The following PEX5 variants were observed in gnomAD, a reference collection of about 807,000 sequenced individuals.
PEX5 encodes the protein PTS1 receptor.
Under a neutral mutation model 82.9 loss-of-function variants are expected in PEX5, and 52 were observed. That is an observed-to-expected ratio of 0.63 (90% confidence interval 0.50 to 0.79). The LOEUF (loss-of-function observed/expected upper bound fraction) is 0.79, where lower values mean the gene tolerates loss of function less well. Among genes scored for constraint, PEX5 ranks in the 30% least tolerant of loss-of-function variants. The pLI is 0.00. For synonymous variants in PEX5, 300 were observed against 318.8 expected (o/e 0.94, Z 0.63); for missense variants, 719 against 815.2 (o/e 0.88, Z 1.44).
At chr12:7,202,561 G>A in intron 8 of PEX5, 51 bp from the exon 9 acceptor site, 1 of 1,523,092 alleles carries the variant, frequency 6.6e-7, no homozygotes. Context: ...GTGTGCGTCT[G>A]ATGGATAGAA....
In PEX5 at chr12:7,199,106, G is replaced by C; in HGVS notation, c.544G>C (p.Asp182His). The C allele has an allele frequency of 6.3e-7, 1 of 1,576,456 alleles. No homozygotes were observed. Residue 182 changes from aspartate to histidine, a missense_variant, in exon 6 of 16, where the codon GAT becomes CAT. Asp to His is a moderately conservative substitution (Grantham distance 81). Transcript: ENST00000675855. ...GGGAGAACCTGAGGGAACAGCCACCGATCGCTGGTGAGTTCAGATACCTCT... is the reference window on the plus strand; with the variant it reads ...GGGAGAACCTGAGGGAACAGCCACCCATCGCTGGTGAGTTCAGATACCTCT... Reference protein sequence around the residue: ...WLGEPEGTATDRWYDEYHPEE... With the variant: ...WLGEPEGTATHRWYDEYHPEE...
At chr12:7,204,530 T>A (rs1182313528) in intron 10 of PEX5, among the ~76,000 whole-genome samples, 1 of 152,228 alleles carries the variant, frequency 6.6e-6, no homozygotes. Flanking sequence ...CTGTGTGATA[T>A]AAGGGAAAAG....
In PEX5 at chr12:7,190,295, G is replaced by A; in HGVS notation, c.-16-67G>A. The A allele has an allele frequency of 1.9e-6, 3 of 1,599,060 alleles. No homozygotes were observed. The South Asian group carries it at 3.3e-5, about 18-fold the overall frequency. On this transcript the variant is annotated intron_variant, in intron 1 of 15. Coordinates refer to ENST00000675855, the MANE Select transcript of PEX5 (RefSeq NM_001351132.2). ...GCCTGTGTGCCTTCCTCAGATACGG[G>A]CAGAGTTGTGGATGTGAGAAGGGTC...
intron 14 of PEX5, 36 bp downstream of exon 14, chr12:7,209,206 T>C: frequency 6.2e-7 from 1 of 1,602,306 alleles, no homozygotes; most frequent in Non-Finnish European, 8.5e-7. Context: ...GGGACATGAC[T>C]GTGTACCTTA....
chr12:7,191,116 T>C, intron 3 of PEX5, 110 bp from the exon 4 acceptor site: 1 of 1,312,536 alleles, frequency 7.6e-7, no homozygotes, highest in Non-Finnish European at 1.1e-6. Flanking sequence ...CTCCAGTTTC[T>C]GTGTTTTCCT....
In PEX5 at chr12:7,196,292, AAT is replaced by A. The variant is rs1404078713; in HGVS notation, c.449-2718_449-2717del. On this transcript the variant is annotated intron_variant, in intron 5 of 15. Coordinates refer to ENST00000675855, the MANE Select transcript of PEX5 (RefSeq NM_001351132.2). ...AATTTATATATGTCATATATAATTT[AAT>A]TATATGTCATATATAATTTAATTAT... 3.6e-4 allele frequency among the ~76,000 whole-genome samples: 25 copies of A among 70,378 alleles called. 1 individual carries two copies. Among genetic ancestry groups the A allele is most frequent in the Admixed American group, 4.2e-4 (3 of 7,098 alleles). The allele number at this position is 70,378 out of a possible 152,430, so 46.2% of individuals were successfully genotyped here.
At chr12:7,211,988 A>AGC (rs773964359), downstream of PEX5, among the ~76,000 whole-genome samples, 1,402 of 144,320 alleles carry the variant, frequency 9.7e-3, 28 homozygotes, top group African/African-American at 0.034. Context: ...TTTTTAAGGC[A>AGC]GTGTTTCACT....
At chr12:7,199,226 T>A in intron 6 of PEX5, 113 bp downstream of exon 6, 1 of 508,128 alleles carries the variant, frequency 2.0e-6, no homozygotes, top group East Asian at 4.2e-5. Context: ...TTTTTTTTTT[T>A]TATCATTCTT....
rs370306007 is a variant in PEX5 at position 7,210,103 on chromosome 12, G to A, written c.1800G>A (p.Ser600=). ...RGPRGEGGAM[S]ENIWSTLRLA... ...CCCGGGGTGAAGGAGGTGCCATGTC[G>A]GAGAACATCTGGAGCACCCTGCGTT... Residue 600 remains serine, a synonymous_variant, in exon 16 of 16, where the codon TCG becomes TCA. Coordinates refer to ENST00000675855, the MANE Select transcript of PEX5 (RefSeq NM_001351132.2). 100 of 1,614,094 alleles carry A rather than the reference G, an allele frequency of 6.2e-5. No homozygotes were observed. The highest frequency in any genetic ancestry group is 1.6e-4 in the Middle Eastern group (1 of 6,084).
upstream of PEX5, chr12:7,189,576 G>A (rs780340032): frequency 8.4e-6 from 2 of 237,130 alleles, no homozygotes; most frequent in Admixed American, 5.6e-5. Context: ...GTCAGGCTGC[G>A]TCGCAGTCTT....
At chr12:7,196,280 CAT>C (rs1253700682) in intron 5 of PEX5, among the ~76,000 whole-genome samples, 3 of 68,876 alleles carry the variant, frequency 4.4e-5, no homozygotes, top group Admixed American at 1.5e-4. Context: ...TTATATATGT[CAT>C]ATATAATTTA....
chr12:7,215,420 A>G (rs1442075368), downstream of PEX5, among the ~76,000 whole-genome samples: 1 of 152,190 alleles, frequency 6.6e-6, no homozygotes, highest in Non-Finnish European at 1.5e-5. Flanking sequence ...ATAAATCACT[A>G]CCCAAAAGAC....
chr12:7,199,797 C>T (rs1943426294), intron 6 of PEX5, among the ~76,000 whole-genome samples: 1 of 150,944 alleles, frequency 6.6e-6, no homozygotes, highest in African/African-American at 2.4e-5. Context: ...AGAGGCGCCC[C>T]TCACCTTCTG....
At position 7,203,453 on chromosome 12, in the gene PEX5, A is replaced by G; in HGVS notation, c.868A>G (p.Lys290Glu). 1 of 1,613,824 alleles carries G rather than the reference A, an allele frequency of 6.2e-7. No individual in the cohort carries two copies. The highest frequency in any genetic ancestry group is 8.5e-7 in the Non-Finnish European group (1 of 1,179,938). ...AIESDVDFWD[K>E]LQAELEEMAK... ...ACAGTCTGATGTCGATTTCTGGGACAAGTTGCAGGCAGAGTTGGAGGAGAT... is the reference window on the plus strand; with the variant it reads ...ACAGTCTGATGTCGATTTCTGGGACGAGTTGCAGGCAGAGTTGGAGGAGAT... The change falls in exon 10 of 16, where the codon AAG becomes GAG. Residue 290 changes from lysine (K) to glutamate (E), a missense_variant. By Grantham distance (56) the Lys-to-Glu change is moderately conservative. Transcript: ENST00000675855.
chr12:7,191,404 C>T (rs765672439), intron 4 of PEX5, 46 bp downstream of exon 4: 70 of 1,613,328 alleles, frequency 4.3e-5, no homozygotes, highest in Non-Finnish European at 3.1e-5. Flanking sequence ...TCCATGTAGC[C>T]AGGGCCAAGG....
At position 7,201,856 on chromosome 12, in the gene PEX5, T is replaced by A; in HGVS notation, c.642+15T>A. 1 of 1,583,020 alleles carries A rather than the reference T, an allele frequency of 6.3e-7. No individual in the cohort carries two copies. The highest frequency in any genetic ancestry group is 8.7e-7 in the Non-Finnish European group (1 of 1,151,922). Reference sequence around the variant, plus strand: ...CTAATTCTGAGGTGAGCCACATCCCTCTGCTGCTTTGCCCAGCAGAGCTGG... The same window carrying A: ...CTAATTCTGAGGTGAGCCACATCCCACTGCTGCTTTGCCCAGCAGAGCTGG... On this transcript the variant is annotated intron_variant, in intron 7 of 15. Transcript: ENST00000675855.
At chr12:7,217,456 T>C (rs1945812391) in intron 17 of PEX5, among the ~76,000 whole-genome samples, 1 of 152,228 alleles carries the variant, frequency 6.6e-6, no homozygotes. Context: ...TGTTCCAAGG[T>C]GGAGGAGAAT....
Position 7,202,230 on chromosome 12 carries a change from C to G in PEX5, c.643-11C>G. On this transcript the variant is annotated splice_polypyrimidine_tract_variant and intron_variant, in intron 7 of 15. Transcript: ENST00000675855. Reference sequence around the variant, plus strand: ...TTTCCCAAGTGGCCTGTGTGTGTCTCTGTGCCCCAGTTCCTGAAATTCGTG... The same window carrying G: ...TTTCCCAAGTGGCCTGTGTGTGTCTGTGTGCCCCAGTTCCTGAAATTCGTG... 1.2e-6 allele frequency: 2 copies of G among 1,614,042 alleles called. No individual in the cohort carries two copies. Among genetic ancestry groups the G allele is most frequent in the Non-Finnish European group, 1.7e-6 (2 of 1,180,028 alleles).
chr12:7,203,387 G>T (rs2136173879), intron 9 of PEX5, 45 bp from the exon 10 acceptor site: 1 of 1,583,392 alleles, frequency 6.3e-7, no homozygotes, highest in Non-Finnish European at 8.6e-7. Flanking sequence ...GGGTGGGGTG[G>T]TCATGATGGA....
Sources: allele counts gnomAD v4.1 joint callset (sites outside exome capture counted in the v4.1 genomes callset), GRCh38; gene constraint gnomAD v4.1.1; transcripts MANE v1.5; gene names NCBI Gene and HGNC (gene_info 2026-07-23, HGNC 2026-07-21).